ICAM1: variants seen among roughly 807,000 people sequenced by gnomAD.
ICAM1 encodes ICAM-1.
ICAM1 carries 28 observed loss-of-function variants against 42.3 expected under a neutral mutation model. That is an observed-to-expected ratio of 0.66 (90% confidence interval 0.49 to 0.91). The LOEUF is 0.91. Ranked by LOEUF, ICAM1 falls within the 40% of genes least tolerant of loss-of-function variation. The probability of loss-of-function intolerance (pLI) is 0.00; values close to 1 mark genes in which losing one functional copy is unlikely to be tolerated. For missense variants in ICAM1, 637 were observed against 688.6 expected (o/e 0.93, Z 0.84); for synonymous variants, 304 against 305.9 (o/e 0.99, Z 0.07).
chr19:10,285,326 T>A lies in ICAM1; in HGVS notation c.*39T>A. 6.3e-7 allele frequency: 1 copy of A among 1,593,958 alleles called. No homozygotes were observed. Among genetic ancestry groups the A allele is most frequent in the Non-Finnish European group, 8.6e-7 (1 of 1,166,430 alleles). ...CAGGGCCTCTTCCTCGGCCTTCCCA[T>A]ATTGGTGGCAGTGGTGCCACACTGA... is the stretch of plus-strand genomic sequence containing the variant. On this transcript the variant is annotated 3_prime_UTR_variant, in exon 7 of 7. Transcript: ENST00000264832.
At position 10,285,132 on chromosome 19, in the gene ICAM1, GTCA is replaced by G. The variant is rs761539599; in HGVS notation, c.1451_1453del (p.Ile484del). 15 of 1,614,160 alleles carry G rather than the reference GTCA, an allele frequency of 9.3e-6. No individual in the cohort carries two copies. The highest frequency in any genetic ancestry group is 1.2e-5 in the Non-Finnish European group (14 of 1,180,028). ...CCCCACAGCCCCCCGGTATGAGATT[GTCA>G]TCATCACTGTGGTAGCAGCCGCAGT... On this transcript the variant is annotated inframe_deletion, in exon 7 of 7. Transcript: ENST00000264832.
chr19:10,277,251 G>C (rs2040024468), intron 2 of ICAM1, among the ~76,000 whole-genome samples: 1 of 151,738 alleles, frequency 6.6e-6, no homozygotes, highest in Non-Finnish European at 1.5e-5. Flanking sequence ...CACGATCTCA[G>C]CTCACCGCAA....
At chr19:10,281,673 A>C (rs1345881841) in intron 2 of ICAM1, among the ~76,000 whole-genome samples, 1 of 151,786 alleles carries the variant, frequency 6.6e-6, no homozygotes, top group Non-Finnish European at 1.5e-5. Context: ...TACCCACAGC[A>C]AAGAAGCAAG....
intron 2 of ICAM1, among the ~76,000 whole-genome samples, chr19:10,281,747 TGAGA>T (rs2040061144): frequency 7.3e-6 from 1 of 136,222 alleles, no homozygotes; most frequent in African/African-American, 2.8e-5. Context: ...TTTTTTCCTC[TGAGA>T]GAGACTCTCA....
chr19:10,275,553 T>C (rs1405924408), intron 2 of ICAM1, among the ~76,000 whole-genome samples: 1 of 152,114 alleles, frequency 6.6e-6, no homozygotes, highest in Non-Finnish European at 1.5e-5. Context: ...GACACGGTCC[T>C]GCTTCAGACA....
At chr19:10,280,222 G>T (rs550049535) in intron 2 of ICAM1, among the ~76,000 whole-genome samples, 1 of 152,340 alleles carries the variant, frequency 6.6e-6, no homozygotes, top group Non-Finnish European at 1.5e-5. Flanking sequence ...GCTGAGCTGG[G>T]TTTCCTCTAG....
intron 3 of ICAM1, 107 bp from the exon 4 acceptor site, chr19:10,283,926 G>A (rs2040081900): frequency 6.8e-7 from 1 of 1,464,336 alleles, no homozygotes; most frequent in African/African-American, 1.4e-5. Context: ...GACCTAGGCT[G>A]CTGAGTGGCC....
At position 10,284,345 on chromosome 19, in the gene ICAM1, G is replaced by A. The variant is rs1476107481; in HGVS notation, c.925+25G>A. ...AGTAAGAAGGGGCAGGGGCGGAGTG[G>A]GGCTTCTTGGGGGTGTGACCTGAAC... On this transcript the variant is annotated intron_variant, in intron 4 of 6. Coordinates refer to ENST00000264832, the MANE Select transcript of ICAM1 (RefSeq NM_000201.3). The surrounding 1 kb of genome is among the most constrained non-coding windows in gnomAD (Gnocchi z 5.4). 4.3e-6 allele frequency: 7 copies of A among 1,611,762 alleles called. No homozygotes were observed. Among genetic ancestry groups the A allele is most frequent in the Non-Finnish European group, 5.9e-6 (7 of 1,179,330 alleles).
rs1215680580 is a variant in ICAM1, at chr19:10,271,129, T to C, written c.-31T>C. On this transcript the variant is annotated 5_prime_UTR_variant, in exon 1 of 7. Coordinates refer to ENST00000264832, the MANE Select transcript of ICAM1 (RefSeq NM_000201.3). Reference sequence around the variant, plus strand: ...CGCCCCAGTCGACGCTGAGCTCCTCTGCTACTCAGAGTTGCAACCTCAGCC... The same window carrying C: ...CGCCCCAGTCGACGCTGAGCTCCTCCGCTACTCAGAGTTGCAACCTCAGCC... 3.1e-6 allele frequency: 5 copies of C among 1,599,882 alleles called. No homozygotes were observed. The highest frequency in any genetic ancestry group is 3.4e-6 in the Non-Finnish European group (4 of 1,170,932).
chr19:10,275,411 G>A (rs553772832), intron 2 of ICAM1, among the ~76,000 whole-genome samples: 4 of 152,152 alleles, frequency 2.6e-5, no homozygotes, highest in East Asian at 1.9e-4. Context: ...GCAGGAGAAC[G>A]CTTGAACCTG....
intron 2 of ICAM1, among the ~76,000 whole-genome samples, chr19:10,278,006 C>T (rs978912139): frequency 1.3e-5 from 2 of 152,134 alleles, no homozygotes; most frequent in African/African-American, 2.4e-5. Context: ...GGACACCAGC[C>T]TGGGCAACAT....
In ICAM1 at chr19:10,284,113, G is replaced by C; in HGVS notation, c.718G>C (p.Asp240His). The change falls in exon 4 of 7, where the codon GAC becomes CAC. Residue 240 changes from aspartate to histidine, a missense_variant. Physicochemically the swap from Asp to His is moderately conservative, Grantham distance 81. Coordinates refer to ENST00000264832, the MANE Select transcript of ICAM1 (RefSeq NM_000201.3). The surrounding 1 kb of genome is among the most constrained non-coding windows in gnomAD (Gnocchi z 5.4). ...DTQGTVVCSL[D>H]GLFPVSEAQV... ...GCAGGGGACCGTGGTCTGTTCCCTG[G>C]ACGGGCTGTTCCCAGTCTCGGAGGC... 2 of 1,614,052 alleles carry C rather than the reference G, an allele frequency of 1.2e-6. No individual in the cohort carries two copies. Among genetic ancestry groups the C allele is most frequent in the Non-Finnish European group, 1.7e-6 (2 of 1,180,010 alleles).
intron 2 of ICAM1, 96 bp downstream of exon 2, chr19:10,275,124 C>G: frequency 7.7e-7 from 1 of 1,306,664 alleles, no homozygotes; most frequent in Admixed American, 2.0e-5. Context: ...TTGCCACTTG[C>G]TCGTAGGGTC....
rs2039979102 is a variant in ICAM1, at chr19:10,271,368, G to C, written c.67+142G>C. On this transcript the variant is annotated intron_variant, in intron 1 of 6. Coordinates refer to ENST00000264832, the MANE Select transcript of ICAM1 (RefSeq NM_000201.3). ...AGCGATTGAAAGGCAACAGCCAGTA[G>C]GTTCGAATCCAGACCCTGCATACCT... 4 of 684,244 alleles carry C rather than the reference G, an allele frequency of 5.8e-6. No homozygotes were observed. The East Asian group carries it at 1.1e-4, about 19-fold the overall frequency. 42.4% of individuals were successfully genotyped at this position (684,244 alleles called of 1,614,324 possible).
At chr19:10,283,373 T>G in intron 2 of ICAM1, 108 bp from the exon 3 acceptor site, 3 of 1,084,884 alleles carry the variant, frequency 2.8e-6, no homozygotes, top group Non-Finnish European at 3.9e-6. Context: ...TCTGGGCGTG[T>G]TTGGGGGAGA....
Position 10,284,254 on chromosome 19 carries a change from C to A in ICAM1, c.859C>A (p.Arg287=). The part of the protein sequence containing the change: ...SVTAEDEGTQ[R]LTCAVILGNQ... Reference sequence around the variant, plus strand: ...GACCGCAGAGGACGAGGGCACCCAGCGGCTGACGTGTGCAGTAATACTGGG... The same window carrying A: ...GACCGCAGAGGACGAGGGCACCCAGAGGCTGACGTGTGCAGTAATACTGGG... The change falls in exon 4 of 7, where the codon CGG becomes AGG. Residue 287 remains arginine, a synonymous_variant. Transcript: ENST00000264832. This position sits in a 1 kb window ranked among gnomAD's most constrained non-coding sequence, Gnocchi z 5.4. 6.2e-7 allele frequency: 1 copy of A among 1,613,920 alleles called. No homozygotes were observed. Among genetic ancestry groups the A allele is most frequent in the Non-Finnish European group, 8.5e-7 (1 of 1,180,024 alleles).
rs1327391126 is a variant in ICAM1, at chr19:10,280,896, CAG to C, written c.332-2582_332-2581del. Among the ~76,000 whole-genome samples, 11 of 86,636 alleles carry C rather than the reference CAG, an allele frequency of 1.3e-4. No homozygotes were observed. The East Asian group carries it at 3.9e-3, about 31-fold the overall frequency. 56.8% of individuals were successfully genotyped at this position (86,636 alleles called of 152,430 possible). A position where few individuals can be genotyped will look rare whatever the true frequency, so the allele number is the denominator to read the frequency against. On this transcript the variant is annotated intron_variant, in intron 2 of 6. Transcript: ENST00000264832. ...TTTTTTTTTTTTTTTTTTTTTGAGA[CAG>C]AGTCTCACTCTGTCGCCCAGGCAGG...
At position 10,271,123 on chromosome 19, in the gene ICAM1, C is replaced by T; in HGVS notation, c.-37C>T. ...ATCACGCGCCCCAGTCGACGCTGAG[C>T]TCCTCTGCTACTCAGAGTTGCAACC... On this transcript the variant is annotated 5_prime_UTR_variant, in exon 1 of 7. Coordinates refer to ENST00000264832, the MANE Select transcript of ICAM1 (RefSeq NM_000201.3). 6.3e-7 allele frequency: 1 copy of T among 1,580,338 alleles called. No homozygotes were observed. Among genetic ancestry groups the T allele is most frequent in the South Asian group, 1.1e-5 (1 of 88,556 alleles).
chr19:10,284,355 G>C lies in ICAM1; in HGVS notation c.925+35G>C, dbSNP rs3093033. On this transcript the variant is annotated intron_variant, in intron 4 of 6. Coordinates refer to ENST00000264832, the MANE Select transcript of ICAM1 (RefSeq NM_000201.3). This position sits in a 1 kb window ranked among gnomAD's most constrained non-coding sequence, Gnocchi z 5.4. ...GGCAGGGGCGGAGTGGGGCTTCTTG[G>C]GGGTGTGACCTGAACCCGGGGCGGG... 1.9e-6 allele frequency: 3 copies of C among 1,611,740 alleles called. No homozygotes were observed. Among genetic ancestry groups the C allele is most frequent in the Non-Finnish European group, 2.5e-6 (3 of 1,179,396 alleles).
Sources: allele counts gnomAD v4.1 joint callset (sites outside exome capture counted in the v4.1 genomes callset), GRCh38; gene constraint gnomAD v4.1.1; non-coding constraint Gnocchi (gnomAD v3.1); transcripts MANE v1.5; gene names NCBI Gene and HGNC (gene_info 2026-07-23, HGNC 2026-07-21).